Variants in CLVS1 observed in about 807,000 individuals in gnomAD.
The protein encoded by CLVS1 is clavesin-1.
In CLVS1, 10 loss-of-function variants were observed where a neutral mutation model predicts 33.1. That is an observed-to-expected ratio of 0.30 (90% confidence interval 0.19 to 0.51). The LOEUF (loss-of-function observed/expected upper bound fraction) is 0.51, where lower values mean the gene tolerates loss of function less well. CLVS1 is among the 20% of genes least tolerant of loss of function. The pLI is 0.97. For synonymous variants in CLVS1, 163 were observed against 166.1 expected, an observed-to-expected ratio of 0.98 and a Z score of 0.14; for missense variants, 343 against 433.4, an observed-to-expected ratio of 0.79 and a Z score of 1.85.
chr8:60,976,116 T>C, the CLVS1 span, among the ~76,000 whole-genome samples: 15 of 152,334 alleles, frequency 9.8e-5, no homozygotes, highest in South Asian at 3.1e-3. Context: ...CTTCTAGCTT[T>C]AAATTTTTTT....
At chr8:61,219,086 G>T (rs1344282730) in intron 2 of CLVS1, among the ~76,000 whole-genome samples, 3 of 152,224 alleles carry the variant, frequency 2.0e-5, no homozygotes, top group Admixed American at 1.3e-4. Flanking sequence ...GTCACTGAAG[G>T]ACAGAGTAGT....
At chr8:61,033,088 A>G in the CLVS1 span, among the ~76,000 whole-genome samples, 1 of 127,836 alleles carries the variant, frequency 7.8e-6, no homozygotes, top group East Asian at 2.2e-4. Context: ...GGAAGGAAGG[A>G]AAGAAAGAAA....
chr8:61,056,288 A>T (rs141462918), upstream of CLVS1, among the ~76,000 whole-genome samples: 17 of 152,262 alleles, frequency 1.1e-4, no homozygotes, highest in East Asian at 3.3e-3. Context: ...AAACGGAGTA[A>T]ATTTGGTTAA....
At chr8:61,032,867 A>G in the CLVS1 span, among the ~76,000 whole-genome samples, 3 of 151,906 alleles carry the variant, frequency 2.0e-5, no homozygotes, top group East Asian at 3.8e-4. Context: ...CTATGCTTCA[A>G]AATACTATCT....
chr8:61,417,974 T>C (rs1815506381), intron 3 of CLVS1, among the ~76,000 whole-genome samples: 1 of 152,230 alleles, frequency 6.6e-6, no homozygotes. Flanking sequence ...GTTGCTTTGG[T>C]ACACTGCCCT....
the CLVS1 span, among the ~76,000 whole-genome samples, chr8:61,001,491 AAAGAG>A: frequency 6.6e-6 from 1 of 152,254 alleles, no homozygotes; most frequent in African/African-American, 2.4e-5. Context: ...TTTACAGGTG[AAAGAG>A]AAGATTCGCA....
intron 5 of CLVS1, among the ~76,000 whole-genome samples, chr8:61,486,806 A>T (rs1441989991): frequency 6.6e-6 from 1 of 152,140 alleles, no homozygotes; most frequent in Non-Finnish European, 1.5e-5. Flanking sequence ...TACCCTTTCC[A>T]AAATTTCCTG....
At chr8:61,156,345 A>G (rs1054058248) in intron 2 of CLVS1, among the ~76,000 whole-genome samples, 1 of 151,496 alleles carries the variant, frequency 6.6e-6, no homozygotes, top group African/African-American at 2.4e-5. Flanking sequence ...TAAAAACCTC[A>G]ACCATCTGGT....
At chr8:61,026,314 A>G in the CLVS1 span, among the ~76,000 whole-genome samples, 1 of 152,184 alleles carries the variant, frequency 6.6e-6, no homozygotes. Context: ...AGTTCTCAAG[A>G]GGAACCAACC....
At chr8:61,298,162 G>T (rs186271233) in intron 1 of CLVS1, among the ~76,000 whole-genome samples, 1 of 151,830 alleles carries the variant, frequency 6.6e-6, no homozygotes, top group Non-Finnish European at 1.5e-5. Context: ...ATTGGGTAAG[G>T]CTGCTTTCTG....
At chr8:61,323,078 C>T (rs545900361) in intron 2 of CLVS1, among the ~76,000 whole-genome samples, 12 of 152,232 alleles carry the variant, frequency 7.9e-5, no homozygotes, top group Admixed American at 2.6e-4. Context: ...TTATTGCTTG[C>T]CTTTCCTATT....
At chr8:61,002,021 C>T in the CLVS1 span, among the ~76,000 whole-genome samples, 1 of 152,122 alleles carries the variant, frequency 6.6e-6, no homozygotes, top group African/African-American at 2.4e-5. Flanking sequence ...CTCTGTTGCC[C>T]AGGCTGGAGT....
intron 1 of CLVS1, among the ~76,000 whole-genome samples, chr8:61,089,596 T>G (rs1402526008): frequency 1.3e-5 from 2 of 152,164 alleles, no homozygotes; most frequent in Non-Finnish European, 2.9e-5. Context: ...ATAAGGTCCT[T>G]GGAGCTATCA....
the CLVS1 span, among the ~76,000 whole-genome samples, chr8:61,013,869 C>CT: frequency 6.6e-6 from 1 of 152,178 alleles, no homozygotes; most frequent in Non-Finnish European, 1.5e-5. Flanking sequence ...TGGACGCAGC[C>CT]TGTTGTGCTG....
At chr8:61,248,204 G>A (rs2919319) in intron 2 of CLVS1, among the ~76,000 whole-genome samples, 38,456 of 152,086 alleles carry the variant, frequency 0.25, 6,059 homozygotes, top group Non-Finnish European at 0.33. Context: ...AGTATAGTTT[G>A]AAGTTGGGTA....
Position 61,436,904 on chromosome 8 carries a change from C to CATAT in CLVS1, c.631-17235_631-17232dup, listed in dbSNP as rs1158434779. The stretch of plus-strand genomic sequence containing the variant: ...TACTAACATGCATAAGCACAGGGGC[C>CATAT]ATATAAAATATGAGACTCAAAGAAA... On this transcript the variant is annotated intron_variant, in intron 3 of 5. Transcript: ENST00000325897. 4.6e-5 allele frequency among the ~76,000 whole-genome samples: 7 copies of CATAT among 152,016 alleles called. No homozygotes were observed. In the East Asian group the frequency reaches 1.3e-3, roughly 29 times the overall value.
intron 3 of CLVS1, among the ~76,000 whole-genome samples, chr8:61,433,233 C>T (rs1181133393): frequency 6.6e-6 from 1 of 152,216 alleles, no homozygotes; most frequent in Non-Finnish European, 1.5e-5. Flanking sequence ...GGATTACAGG[C>T]TTGAGCCATT....
chr8:61,309,840 G>A (rs1002556933), intron 2 of CLVS1, among the ~76,000 whole-genome samples: 3 of 152,158 alleles, frequency 2.0e-5, no homozygotes, highest in African/African-American at 7.2e-5. Context: ...CCCCGAGGCC[G>A]TAGGTGGGAT....
intron 3 of CLVS1, among the ~76,000 whole-genome samples, chr8:61,428,486 G>T (rs1815979370): frequency 6.6e-6 from 1 of 152,166 alleles, no homozygotes; most frequent in Non-Finnish European, 1.5e-5. Flanking sequence ...TCCAGAATAA[G>T]AACCTAGGAA....
Sources: allele counts gnomAD v4.1 joint callset (sites outside exome capture counted in the v4.1 genomes callset), GRCh38; gene constraint gnomAD v4.1.1; transcripts MANE v1.5; gene names NCBI Gene and HGNC (gene_info 2026-07-23, HGNC 2026-07-21).